The following NDUFAF5 variants were observed in gnomAD, a reference collection of about 807,000 sequenced individuals.
NDUFAF5 encodes the protein NADH:ubiquinone oxidoreductase complex assembly factor 5.
A neutral mutation model predicts 48.9 loss-of-function variants in NDUFAF5; 34 were observed. The observed-to-expected ratio is 0.70, with a 90% CI of 0.53 to 0.93. The LOEUF is 0.93. Ranked by LOEUF, NDUFAF5 falls within the 40% of genes least tolerant of loss-of-function variation. The pLI is 0.00. For missense variants in NDUFAF5, 428 were observed against 427.5 expected, an observed-to-expected ratio of 1.00 and a Z score of -0.01; for synonymous variants, 153 against 150.6, an observed-to-expected ratio of 1.02 and a Z score of -0.12.
intron 8 of NDUFAF5, 42 bp downstream of exon 8, chr20:13,808,944 T>C (rs746252583): frequency 2.2e-6 from 3 of 1,387,012 alleles, no homozygotes; most frequent in African/African-American, 1.4e-5. Flanking sequence ...TTGGGAAAGG[T>C]AGGCCAAAAA....
At chr20:13,787,891 G>GT (rs1160261296) in intron 2 of NDUFAF5, among the ~76,000 whole-genome samples, 1,753 of 147,538 alleles carry the variant, frequency 0.012, 31 homozygotes, top group African/African-American at 0.04. Context: ...CTTATTATAG[G>GT]TTTTTTTTTT....
intron 5 of NDUFAF5, among the ~76,000 whole-genome samples, chr20:13,796,824 C>A (rs1045671511): frequency 6.6e-6 from 1 of 152,168 alleles, no homozygotes; most frequent in Non-Finnish European, 1.5e-5. Context: ...ACTAAAAATA[C>A]AAAAATTAGC....
At chr20:13,815,782 A>G (rs1317242425) in intron 8 of NDUFAF5, among the ~76,000 whole-genome samples, 2 of 152,208 alleles carry the variant, frequency 1.3e-5, no homozygotes, top group Non-Finnish European at 2.9e-5. Context: ...AAATTTAAGT[A>G]TTTGTATAAA....
intron 7 of NDUFAF5, among the ~76,000 whole-genome samples, chr20:13,802,300 G>A (rs2147557630): frequency 6.6e-6 from 1 of 152,244 alleles, no homozygotes; most frequent in Non-Finnish European, 1.5e-5. Flanking sequence ...GAGTAACTTG[G>A]ATCCTTACCC....
At chr20:13,799,074 C>G (rs1478883074) in intron 6 of NDUFAF5, among the ~76,000 whole-genome samples, 1 of 152,074 alleles carries the variant, frequency 6.6e-6, no homozygotes, top group African/African-American at 2.4e-5. Flanking sequence ...GGCAGAATCA[C>G]AGGATAGGTG....
rs193250649 is a variant in NDUFAF5, at chr20:13,819,401, G to T, written c.*2191G>T. 6.6e-6 allele frequency: 1 copy of T among 151,700 alleles called. No individual in the cohort carries two copies. Among genetic ancestry groups the T allele is most frequent in the East Asian group, 1.9e-4 (1 of 5,178 alleles). 9.4% of individuals were successfully genotyped at this position (151,700 alleles called of 1,614,324 possible). On this transcript the variant is annotated 3_prime_UTR_variant, in exon 11 of 11. Coordinates refer to ENST00000378106, the MANE Select transcript of NDUFAF5 (RefSeq NM_024120.5). ...ATTTTATTTTTTGAGACGGAGTCTC[G>T]CTCTGTCTCCAGGCTGGAGTACAGT...
At chr20:13,802,324 G>C (rs1177594999) in intron 7 of NDUFAF5, among the ~76,000 whole-genome samples, 1 of 152,146 alleles carries the variant, frequency 6.6e-6, no homozygotes, top group East Asian at 1.9e-4. Context: ...TTCTTTACTA[G>C]ATAGGGAAAT....
Position 13,817,459 on chromosome 20 carries a change from A to G in NDUFAF5, c.*249A>G. 2 of 599,410 alleles carry G rather than the reference A, an allele frequency of 3.3e-6. No individual in the cohort carries two copies. The highest frequency in any genetic ancestry group is 6.2e-6 in the Non-Finnish European group (2 of 322,642). 37.1% of individuals were successfully genotyped at this position (599,410 alleles called of 1,614,324 possible). On this transcript the variant is annotated 3_prime_UTR_variant, in exon 11 of 11. Transcript: ENST00000378106. ...AAAGCAAAGAAAATATTTCCCTAAA[A>G]TATTTGCAAATAATGTTCACATATG...
At chr20:13,798,583 C>T in intron 6 of NDUFAF5, 83 bp downstream of exon 6, 3 of 1,102,268 alleles carry the variant, frequency 2.7e-6, no homozygotes, top group Non-Finnish European at 4.2e-6. Flanking sequence ...TTTTCACATA[C>T]TATTTACTTG....
intron 8 of NDUFAF5, 130 bp downstream of exon 8, chr20:13,809,032 G>T: frequency 2.9e-6 from 2 of 691,864 alleles, no homozygotes; most frequent in Non-Finnish European, 5.2e-6. Context: ...AAGCACTAGG[G>T]ATCCATTGTT....
At chr20:13,812,146 C>G (rs1196891888) in intron 8 of NDUFAF5, among the ~76,000 whole-genome samples, 1 of 152,202 alleles carries the variant, frequency 6.6e-6, no homozygotes, top group African/African-American at 2.4e-5. Context: ...GACCCTGTTC[C>G]TTCTTGTGTT....
At chr20:13,817,085 A>G (rs1402034287) in intron 10 of NDUFAF5, 33 bp from the exon 11 acceptor site, 4 of 1,597,570 alleles carry the variant, frequency 2.5e-6, no homozygotes, top group Admixed American at 1.7e-5. Context: ...TTATCTATCT[A>G]TTTCTAATAT....
chr20:13,795,943 A>T (rs147257250), intron 5 of NDUFAF5, among the ~76,000 whole-genome samples: 1 of 152,258 alleles, frequency 6.6e-6, no homozygotes, highest in Non-Finnish European at 1.5e-5. Flanking sequence ...CAAATAGGTT[A>T]TAGGATACAA....
intron 8 of NDUFAF5, chr20:13,814,449 C>G (rs1986235064): frequency 7.8e-7 from 1 of 1,288,928 alleles, no homozygotes; most frequent in African/African-American, 1.5e-5. Flanking sequence ...CCTAATTTTA[C>G]AAAACAAGCT....
intron 5 of NDUFAF5, among the ~76,000 whole-genome samples, chr20:13,797,694 A>G (rs77862446): frequency 0.04 from 6,030 of 152,282 alleles, 187 homozygotes; most frequent in African/African-American, 0.081. Flanking sequence ...AACCCTTAGA[A>G]TATACAACAC....
intron 1 of NDUFAF5, among the ~76,000 whole-genome samples, chr20:13,786,575 C>T (rs1232382766): frequency 8.5e-5 from 13 of 152,174 alleles, no homozygotes. Context: ...AACATCTACG[C>T]TCCCTTCTCC....
At chr20:13,814,405 TATTA>T in intron 8 of NDUFAF5, 1 of 1,256,284 alleles carries the variant, frequency 8.0e-7, no homozygotes. Flanking sequence ...AAGCTGCTAT[TATTA>T]ATTCACAGAA....
At chr20:13,801,045 A>C (rs1984037182) in intron 6 of NDUFAF5, among the ~76,000 whole-genome samples, 1 of 152,174 alleles carries the variant, frequency 6.6e-6, no homozygotes, top group Non-Finnish European at 1.5e-5. Context: ...AAAGCGAGTC[A>C]CAAGGCCAGC....
chr20:13,815,703 T>C lies in NDUFAF5; in HGVS notation c.779-760T>C, dbSNP rs565464608. 9.2e-4 allele frequency among the ~76,000 whole-genome samples: 140 copies of C among 152,316 alleles called. 1 individual carries two copies. Among genetic ancestry groups the C allele is most frequent in the African/African-American group, 3.2e-3 (134 of 41,594 alleles). ...CATGTGTAAAATTTAATATAGAGAA[T>C]ACATATGAAGGATTTTTATTTCTGA... On this transcript the variant is annotated intron_variant, in intron 8 of 10. Coordinates refer to ENST00000378106, the MANE Select transcript of NDUFAF5 (RefSeq NM_024120.5).
Sources: allele counts gnomAD v4.1 joint callset (sites outside exome capture counted in the v4.1 genomes callset), GRCh38; gene constraint gnomAD v4.1.1; transcripts MANE v1.5; gene names NCBI Gene and HGNC (gene_info 2026-07-23, HGNC 2026-07-21).